The following SYNE1 variants were observed in gnomAD, a reference collection of about 807,000 sequenced individuals.
SYNE1 encodes the protein nesprin-1.
A neutral mutation model predicts 1,111.0 loss-of-function variants in SYNE1; 616 were observed. That is an observed-to-expected ratio of 0.55 (90% CI 0.52 to 0.59). The LOEUF is 0.59. Among genes scored for constraint, SYNE1 ranks in the 20% least tolerant of loss-of-function variants. SYNE1 has a pLI of 0.00. For synonymous variants in SYNE1, 3,855 were observed against 3,825.8 expected (o/e 1.01, Z -0.28); for missense variants, 10,006 against 10,417.0 (o/e 0.96, Z 1.72).
chr6:152,451,250 A>G (rs754511583), intron 25 of SYNE1, 45 bp from the exon 26 acceptor site: 1 of 1,583,636 alleles, frequency 6.3e-7, no homozygotes, highest in East Asian at 2.2e-5. Flanking sequence ...GAAGTTCCTG[A>G]TTATGTACAT....
At chr6:152,171,616 C>A (rs2065225611) in intron 130 of SYNE1, among the ~76,000 whole-genome samples, 1 of 152,082 alleles carries the variant, frequency 6.6e-6, no homozygotes, top group Admixed American at 6.6e-5. Context: ...GCTGGCCAGG[C>A]CAGGGGCAGG....
At chr6:152,328,380 T>TTTTATTTA (rs56379838) in intron 78 of SYNE1, among the ~76,000 whole-genome samples, 2,176 of 137,534 alleles carry the variant, frequency 0.016, 30 homozygotes, top group Non-Finnish European at 0.018. Context: ...TCTTATTTTA[T>TTTTATTTA]TTTATTTATT....
At position 152,376,557 on chromosome 6, in the gene SYNE1, G is replaced by C. The variant is rs117360770; in HGVS notation, c.9148C>G (p.Leu3050Val). The change falls in exon 58 of 146, where the codon CTT becomes GTT. Residue 3050 changes from leucine to valine, a missense_variant and splice_region_variant. Leu to Val is a conservative substitution (Grantham distance 32). Coordinates refer to ENST00000367255, the MANE Select transcript of SYNE1 (RefSeq NM_182961.4). The part of the protein sequence containing the change: ...VSGLIKEYNC[L>V]CLQASKGCQN... Reference sequence around the variant, plus strand: ...CAGCCCTTGGATGCTTGCAAACAAAGACTGAAAAGGTGACGCAAAAATTTA... The same window carrying C: ...CAGCCCTTGGATGCTTGCAAACAAACACTGAAAAGGTGACGCAAAAATTTA... 4,248 of 1,613,794 alleles carry C rather than the reference G, an allele frequency of 2.6e-3. 8 individuals are homozygous for C. The highest frequency in any genetic ancestry group is 3.3e-3 in the Non-Finnish European group (3,934 of 1,179,998).
At chr6:152,498,888 C>G in intron 10 of SYNE1, 96 bp from the exon 11 acceptor site, 1 of 644,216 alleles carries the variant, frequency 1.6e-6, no homozygotes, top group East Asian at 3.2e-5. Flanking sequence ...AAGGCATCCG[C>G]CTTTAGAGAA....
intron 61 of SYNE1, 123 bp downstream of exon 61, chr6:152,368,849 T>C (rs2097129569): frequency 1.6e-6 from 2 of 1,220,814 alleles, no homozygotes; most frequent in Non-Finnish European, 2.4e-6. Flanking sequence ...CGCCCCTTAC[T>C]GCTGACCTGG....
chr6:152,245,490 T>C (rs1038913769), intron 105 of SYNE1, among the ~76,000 whole-genome samples: 4 of 152,214 alleles, frequency 2.6e-5, no homozygotes, highest in African/African-American at 9.6e-5. Flanking sequence ...ATGTGTCCAA[T>C]GTTCTCTTTC....
At chr6:152,196,217 C>T (rs1025896687) in intron 127 of SYNE1, among the ~76,000 whole-genome samples, 2 of 152,148 alleles carry the variant, frequency 1.3e-5, no homozygotes, top group Non-Finnish European at 2.9e-5. Flanking sequence ...AAATGCCACC[C>T]GAGAGCCAAG....
At chr6:152,507,637 G>A (rs982210798) in intron 8 of SYNE1, among the ~76,000 whole-genome samples, 4 of 152,072 alleles carry the variant, frequency 2.6e-5, no homozygotes, top group Admixed American at 1.3e-4. Flanking sequence ...CAATTTATAA[G>A]CATTTCTGAC....
At chr6:152,509,457 A>G (rs1329210982) in intron 8 of SYNE1, among the ~76,000 whole-genome samples, 1 of 152,042 alleles carries the variant, frequency 6.6e-6, no homozygotes, top group Middle Eastern at 3.2e-3. Context: ...GGGTTTCACC[A>G]GATTGGCCAG....
chr6:152,251,615 C>T (rs985889874), intron 104 of SYNE1, among the ~76,000 whole-genome samples: 3 of 151,602 alleles, frequency 2.0e-5, no homozygotes, highest in South Asian at 2.1e-4. Context: ...AAAAATTAGC[C>T]GGGCGTAGTG....
rs951471572 is a variant in SYNE1, at chr6:152,176,684, C to A, written c.23461-124G>T. On this transcript the variant is annotated intron_variant, in intron 129 of 145. Transcript: ENST00000367255. ...TGGAAGTAGTTTGAGCATAGGAATA[C>A]CATGTGGATATCAGCCCATGTGCAC... 7.4e-6 allele frequency: 7 copies of A among 951,886 alleles called. No homozygotes were observed. The African/African-American group carries it at 9.7e-5, about 13-fold the overall frequency. 59.0% of individuals were successfully genotyped at this position (951,886 alleles called of 1,614,324 possible).
intron 70 of SYNE1, 82 bp downstream of exon 70, chr6:152,351,945 T>C: frequency 7.6e-7 from 1 of 1,321,986 alleles, no homozygotes; most frequent in South Asian, 1.2e-5. Context: ...CTGTTACGGG[T>C]GACACCCAGC....
chr6:152,187,258 G>A (rs77480288), intron 128 of SYNE1, among the ~76,000 whole-genome samples: 1,772 of 152,106 alleles, frequency 0.012, 22 homozygotes, highest in Non-Finnish European at 0.017. Context: ...GTTGGCCCAC[G>A]GATTGAGAAA....
At chr6:152,379,404 C>A (rs548935214) in intron 56 of SYNE1, among the ~76,000 whole-genome samples, 2 of 151,926 alleles carry the variant, frequency 1.3e-5, no homozygotes, top group Non-Finnish European at 2.9e-5. Context: ...CTTTATAGAT[C>A]ATCTGTTTTT....
At chr6:152,308,411 T>C in intron 91 of SYNE1, 78 bp downstream of exon 91, 1 of 1,600,798 alleles carries the variant, frequency 6.2e-7, no homozygotes, top group Admixed American at 1.7e-5. Flanking sequence ...ACTGTTCTCT[T>C]CCATTCTCTA....
rs2097535666 is a variant in SYNE1 at position 152,386,996 on chromosome 6, CATT to C, written c.8487+73_8487+75del. On this transcript the variant is annotated intron_variant, in intron 54 of 145. Transcript: ENST00000367255. ...TTCTTTACCTGACCTTGGCAACAGT[CATT>C]ATATTATTAATATAAATCAATATAT... 13 of 1,279,358 alleles carry C rather than the reference CATT, an allele frequency of 1.0e-5. No homozygotes were observed. The South Asian group carries it at 2.2e-4, about 21-fold the overall frequency. 79.3% of individuals were successfully genotyped at this position (1,279,358 alleles called of 1,614,324 possible).
chr6:152,201,723 T>G, intron 127 of SYNE1, 101 bp downstream of exon 127: 1 of 1,564,032 alleles, frequency 6.4e-7, no homozygotes, highest in South Asian at 1.1e-5. Flanking sequence ...GGATCTTGTA[T>G]CTGCATGTAG....
intron 4 of SYNE1, among the ~76,000 whole-genome samples, chr6:152,534,186 GAATGAATGAATGAATGAATA>G (rs1004270729): frequency 2.9e-5 from 4 of 138,482 alleles, no homozygotes; most frequent in African/African-American, 1.2e-4. Flanking sequence ...ATGAATGAAT[GAATGAATGAATGAATGAATA>G]AATAAATAAA....
rs1297755722 is a variant in SYNE1 at position 152,391,515 on chromosome 6, T to C, written c.7766A>G (p.His2589Arg). Residue 2589 changes from histidine to arginine, a missense_variant, in exon 52 of 146, where the codon CAC (histidine) becomes CGC (arginine). This residue lies in a region of SYNE1 where 4,955 missense variants were observed against 5,017.2 expected (regional missense o/e 0.99). Transcript: ENST00000367255. ...CAGGCGGCCCTCCTGCCCAGCACCG[T>C]GGCCTTCTTCACTCAGAAGCTGCCC... is the stretch of plus-strand genomic sequence containing the variant. ...QRGQLLSEEG[H>R]GAGQEGRLCS... The C allele has an allele frequency of 1.9e-6, 3 of 1,609,436 alleles. No individual in the cohort carries two copies. Among genetic ancestry groups the C allele is most frequent in the Non-Finnish European group, 2.5e-6 (3 of 1,179,490 alleles).
Sources: allele counts gnomAD v4.1 joint callset (sites outside exome capture counted in the v4.1 genomes callset), GRCh38; gene constraint gnomAD v4.1.1; regional missense constraint gnomAD v4.1.1; transcripts MANE v1.5; gene names NCBI Gene and HGNC (gene_info 2026-07-23, HGNC 2026-07-21).